Variants in CNTN5 observed in about 807,000 individuals in gnomAD.
CNTN5 encodes the protein contactin 5.
A neutral mutation model predicts 129.1 loss-of-function variants in CNTN5; 77 were observed. The ratio of observed to expected loss-of-function variants is 0.60; its 90% CI spans 0.50 to 0.72. CNTN5 has a LOEUF of 0.72. Among genes scored for constraint, CNTN5 ranks in the 30% least tolerant of loss-of-function variants. The pLI is 0.00. For missense variants in CNTN5, 1,478 were observed against 1,328.8 expected (o/e 1.11, Z -1.75); for synonymous variants, 509 against 465.6 (o/e 1.09, Z -1.20).
intron 1 of CNTN5, among the ~76,000 whole-genome samples, chr11:99,243,215 T>C (rs1027330286): frequency 6.6e-6 from 1 of 152,186 alleles, no homozygotes; most frequent in Admixed American, 6.5e-5. Flanking sequence ...TGATTTGCAT[T>C]GCTCTGATAA....
intron 2 of CNTN5, among the ~76,000 whole-genome samples, chr11:99,534,512 GT>G (rs1353068529): frequency 1.0e-4 from 9 of 86,782 alleles, no homozygotes; most frequent in Non-Finnish European, 2.2e-4. Context: ...TTTGGGCATA[GT>G]TAGAATAATT....
At chr11:99,930,788 T>TACAAACAC (rs1376222143) in intron 7 of CNTN5, among the ~76,000 whole-genome samples, 1 of 24,630 alleles carries the variant, frequency 4.1e-5, no homozygotes, top group Non-Finnish European at 7.9e-5. Context: ...AATAAACACA[T>TACAAACAC]ACACACAAAC....
intron 2 of CNTN5, among the ~76,000 whole-genome samples, chr11:99,419,382 T>C (rs1312867679): frequency 6.6e-6 from 1 of 152,152 alleles, no homozygotes; most frequent in Non-Finnish European, 1.5e-5. Flanking sequence ...AGTTGAGAGG[T>C]TTGTTTTATA....
chr11:99,283,416 A>C (rs180999359), intron 1 of CNTN5, among the ~76,000 whole-genome samples: 46 of 152,182 alleles, frequency 3.0e-4, no homozygotes, highest in Admixed American at 3.0e-3. Context: ...ACACATGCAC[A>C]CACATGTGCT....
At chr11:99,753,651 GAAAAAA>G (rs201045916) in intron 3 of CNTN5, among the ~76,000 whole-genome samples, 3 of 96,282 alleles carry the variant, frequency 3.1e-5, no homozygotes, top group African/African-American at 3.9e-5. Flanking sequence ...AATTTTTACT[GAAAAAA>G]AAAAAAAAAA....
chr11:99,878,581 A>C (rs1473717204), intron 6 of CNTN5, among the ~76,000 whole-genome samples: 1 of 152,194 alleles, frequency 6.6e-6, no homozygotes, highest in Non-Finnish European at 1.5e-5. Flanking sequence ...ATTTAAGATG[A>C]TACCTCTGGC....
At chr11:100,158,745 A>ATATT (rs1269195838) in intron 13 of CNTN5, among the ~76,000 whole-genome samples, 1 of 151,910 alleles carries the variant, frequency 6.6e-6, no homozygotes, top group Admixed American at 6.6e-5. Context: ...GAAGGGTTAT[A>ATATT]TATTTTCATG....
chr11:99,577,972 T>C, intron 3 of CNTN5, among the ~76,000 whole-genome samples: 3 of 117,722 alleles, frequency 2.5e-5, no homozygotes, highest in Admixed American at 8.4e-5. Context: ...ATGCTATCCC[T>C]CCCCCCTCCC....
intron 13 of CNTN5, among the ~76,000 whole-genome samples, chr11:100,112,766 G>C (rs1378274619): frequency 6.6e-6 from 1 of 152,128 alleles, no homozygotes; most frequent in African/African-American, 2.4e-5. Context: ...AGAAGTGAAA[G>C]TTTCAGACTA....
rs374165399 is a variant in CNTN5 at position 100,147,059 on chromosome 11, A to G, written c.1581-44067A>G. ...TGATCATGTCTTTTATAGTCTCCTC[A>G]TGCCTCTTTCTCTACAGGATAAAGT... On this transcript the variant is annotated intron_variant, in intron 13 of 24. Transcript: ENST00000524871. Among the ~76,000 whole-genome samples, 12 of 152,010 alleles carry G rather than the reference A, an allele frequency of 7.9e-5. No homozygotes were observed. In the East Asian group the frequency reaches 2.3e-3, roughly 29 times the overall value.
intron 12 of CNTN5, among the ~76,000 whole-genome samples, chr11:100,073,600 C>A (rs956911353): frequency 6.6e-6 from 1 of 151,432 alleles, no homozygotes; most frequent in Non-Finnish European, 1.5e-5. Flanking sequence ...AATGATCAAA[C>A]CTAAGTGAAA....
intron 6 of CNTN5, among the ~76,000 whole-genome samples, chr11:99,913,788 T>C (rs1017468291): frequency 6.6e-6 from 1 of 152,150 alleles, no homozygotes; most frequent in Admixed American, 6.6e-5. Context: ...ATTTGAAATG[T>C]CACAAAAATA....
rs144161506 is a variant in CNTN5 at position 100,314,170 on chromosome 11, C to G, written c.2730+5702C>G. Among the ~76,000 whole-genome samples, 669 of 152,214 alleles carry G rather than the reference C, an allele frequency of 4.4e-3. 20 individuals carry two copies. Among genetic ancestry groups the G allele is most frequent in the East Asian group, 3.3e-3 (17 of 5,160 alleles). ...TGATGTGGAATTTCCTGTATTTTGTCAGGACACCAACAGGTTTTGGTATTC... is the reference window on the plus strand; with the variant it reads ...TGATGTGGAATTTCCTGTATTTTGTGAGGACACCAACAGGTTTTGGTATTC... On this transcript the variant is annotated intron_variant, in intron 21 of 24. Coordinates refer to ENST00000524871, the MANE Select transcript of CNTN5 (RefSeq NM_014361.4).
At chr11:100,229,318 T>C (rs1949444747) in intron 16 of CNTN5, among the ~76,000 whole-genome samples, 1 of 152,202 alleles carries the variant, frequency 6.6e-6, no homozygotes, top group Non-Finnish European at 1.5e-5. Context: ...CCTTCTATCA[T>C]CATAAGATAG....
At chr11:99,896,157 C>G (rs1414375201) in intron 6 of CNTN5, among the ~76,000 whole-genome samples, 2 of 152,142 alleles carry the variant, frequency 1.3e-5, no homozygotes, top group Admixed American at 1.3e-4. Flanking sequence ...CATTTGTGGA[C>G]CTCCAGTATG....
At chr11:99,348,211 C>T (rs577564777) in intron 2 of CNTN5, among the ~76,000 whole-genome samples, 13 of 152,168 alleles carry the variant, frequency 8.5e-5, no homozygotes, top group South Asian at 4.2e-4. Context: ...TGGTGGCAGG[C>T]GCCTGTAGTT....
intron 3 of CNTN5, among the ~76,000 whole-genome samples, chr11:99,636,243 G>A (rs1465237122): frequency 6.6e-6 from 1 of 152,082 alleles, no homozygotes; most frequent in Non-Finnish European, 1.5e-5. Flanking sequence ...ATAGTTATAT[G>A]GGGGAGATTG....
chr11:99,435,772 T>A (rs1383188111), intron 2 of CNTN5, among the ~76,000 whole-genome samples: 2 of 152,194 alleles, frequency 1.3e-5, no homozygotes, highest in Non-Finnish European at 2.9e-5. Context: ...TACCATCATT[T>A]ATTGGAGAAT....
At chr11:99,716,573 T>G (rs1389187955) in intron 3 of CNTN5, among the ~76,000 whole-genome samples, 2 of 152,042 alleles carry the variant, frequency 1.3e-5, no homozygotes, top group Non-Finnish European at 2.9e-5. Context: ...CTCATCAGCT[T>G]CAACCTCTGC....
Sources: gnomAD v4.1 joint callset for allele counts (sites outside exome capture counted in the v4.1 genomes callset) on GRCh38, gnomAD v4.1.1 for gene constraint, MANE v1.5 for transcripts, NCBI Gene and HGNC (gene_info 2026-07-23, HGNC 2026-07-21) for gene names.